TAFA5: variants seen among roughly 807,000 people sequenced by gnomAD.
The protein encoded by TAFA5 is TAFA chemokine like family member 5.
TAFA5 carries 6 observed loss-of-function variants against 15.3 expected under a neutral mutation model. The ratio of observed to expected loss-of-function variants is 0.39; its 90% CI spans 0.21 to 0.77. The LOEUF is 0.77. Ranked by LOEUF, TAFA5 falls within the 30% of genes least tolerant of loss-of-function variation. TAFA5 has a pLI of 0.41. For missense variants in TAFA5, 161 were observed against 193.1 expected (o/e 0.83, Z 0.98); for synonymous variants, 103 against 80.7 (o/e 1.28, Z -1.48).
chr22:48,551,644 C>T (rs930430532), intron 1 of TAFA5, among the ~76,000 whole-genome samples: 2 of 152,116 alleles, frequency 1.3e-5, no homozygotes, highest in African/African-American at 4.8e-5. Flanking sequence ...TGACGATGTG[C>T]ATGGGGTCCT....
rs1339531749 is a variant in TAFA5 at position 48,544,793 on chromosome 22, T to C, written c.112+55089T>C. 4.2e-6 allele frequency: 2 copies of C among 471,260 alleles called. 1 individual carries two copies. Among genetic ancestry groups the C allele is most frequent in the East Asian group, 1.4e-4 (2 of 14,392 alleles). The allele number at this position is 471,260 out of a possible 1,614,324, so 29.2% of individuals were successfully genotyped here. A position where few individuals can be genotyped will look rare whatever the true frequency, so the allele number is the denominator to read the frequency against. ...TTGAGTTCTGGCTGTTACCACGATC[T>C]AGGCGAGGCCTGCAAACAAGGTGTG... On this transcript the variant is annotated intron_variant, in intron 1 of 3. Coordinates refer to ENST00000402357, the MANE Select transcript of TAFA5 (RefSeq NM_001082967.3).
At chr22:48,572,298 G>A (rs543702943) in intron 1 of TAFA5, among the ~76,000 whole-genome samples, 7 of 152,296 alleles carry the variant, frequency 4.6e-5, no homozygotes, top group African/African-American at 7.2e-5. Flanking sequence ...ACCCTGTGTA[G>A]CCCAACAGGC....
At chr22:48,615,294 T>C (rs1034345537) in intron 1 of TAFA5, among the ~76,000 whole-genome samples, 2 of 152,202 alleles carry the variant, frequency 1.3e-5, no homozygotes, top group South Asian at 4.1e-4. Flanking sequence ...CACTCGTATC[T>C]GCCCATGGTG....
At chr22:48,688,947 G>A (rs894479277) in intron 2 of TAFA5, among the ~76,000 whole-genome samples, 5 of 143,012 alleles carry the variant, frequency 3.5e-5, no homozygotes, top group Admixed American at 7.4e-5. Context: ...AGCCAAAATC[G>A]CACCACTGCA....
chr22:48,579,718 G>A (rs9615932), intron 1 of TAFA5, among the ~76,000 whole-genome samples: 11 of 152,268 alleles, frequency 7.2e-5, no homozygotes, highest in African/African-American at 2.4e-4. Context: ...CAGCACAGAT[G>A]AGCAGGCTTT....
chr22:48,492,120 A>G (rs1449885331), intron 1 of TAFA5, among the ~76,000 whole-genome samples: 1 of 134,534 alleles, frequency 7.4e-6, no homozygotes, highest in African/African-American at 2.6e-5. Flanking sequence ...GTCCTAGAGA[A>G]AAAAAATCCC....
chr22:48,643,984 A>T (rs1359797231), intron 1 of TAFA5, among the ~76,000 whole-genome samples: 1 of 152,208 alleles, frequency 6.6e-6, no homozygotes, highest in African/African-American at 2.4e-5. Context: ...CAACGTAAGA[A>T]CGTGTGCTCG....
intron 1 of TAFA5, among the ~76,000 whole-genome samples, chr22:48,607,669 T>TA (rs1327848404): frequency 2.0e-5 from 3 of 152,060 alleles, no homozygotes; most frequent in African/African-American, 7.2e-5. Flanking sequence ...TCCCAGGTTC[T>TA]GATTAGGGCT....
In TAFA5 at chr22:48,530,818, G is replaced by A. The variant is rs60518846; in HGVS notation, c.112+41114G>A. On this transcript the variant is annotated intron_variant, in intron 1 of 3. Transcript: ENST00000402357. The surrounding 1 kb of genome is among the most constrained non-coding windows in gnomAD (Gnocchi z 6.0). ...GAGTGAGGTTTGGGGCAGGAGAGGC[G>A]ACCCCAGTGCGTGTGGCTATGGGCT... 0.073 allele frequency among the ~76,000 whole-genome samples: 11,040 copies of A among 152,172 alleles called. 641 individuals carry two copies. The highest frequency in any genetic ancestry group is 0.25 in the East Asian group (1,293 of 5,142).
intron 1 of TAFA5, among the ~76,000 whole-genome samples, chr22:48,575,297 C>T (rs924954108): frequency 9.9e-5 from 15 of 151,856 alleles, no homozygotes; most frequent in Middle Eastern, 3.4e-3. Flanking sequence ...CCTGACCCGC[C>T]GGCGCGCCAG....
Position 48,750,221 on chromosome 22 carries a change from G to A in TAFA5, c.*374G>A, listed in dbSNP as rs1470512500. 8.9e-6 allele frequency: 3 copies of A among 338,506 alleles called. No individual in the cohort carries two copies. The highest frequency in any genetic ancestry group is 6.3e-5 in the East Asian group (1 of 15,990). 21.0% of individuals were successfully genotyped at this position (338,506 alleles called of 1,614,324 possible). ...CTGCAGCCCAGCCCGCCTGAGACACGACGCCTGCCCCAGGGGACTGTCAGG... is the reference window on the plus strand; with the variant it reads ...CTGCAGCCCAGCCCGCCTGAGACACAACGCCTGCCCCAGGGGACTGTCAGG... On this transcript the variant is annotated 3_prime_UTR_variant, in exon 4 of 4. Transcript: ENST00000402357.
At chr22:48,721,181 A>G (rs1025718337) in intron 3 of TAFA5, among the ~76,000 whole-genome samples, 9 of 152,222 alleles carry the variant, frequency 5.9e-5, no homozygotes, top group African/African-American at 2.2e-4. Context: ...GGGGAAGGAT[A>G]GAGTCCCGCC....
At chr22:48,646,889 C>A in intron 2 of TAFA5, 143 bp downstream of exon 2, 2 of 1,078,514 alleles carry the variant, frequency 1.9e-6, no homozygotes, top group Non-Finnish European at 2.6e-6. Context: ...GTTGGCACAG[C>A]TGTTCCCATG....
chr22:48,725,724 G>GAAA (rs11379698), intron 3 of TAFA5, among the ~76,000 whole-genome samples: 1 of 114,926 alleles, frequency 8.7e-6, no homozygotes, highest in Non-Finnish European at 1.8e-5. Flanking sequence ...ATAATTCACA[G>GAAA]AAAAAAAAAA....
At chr22:48,531,840 AC>A (rs1425508561) in intron 1 of TAFA5, among the ~76,000 whole-genome samples, 2 of 151,594 alleles carry the variant, frequency 1.3e-5, no homozygotes, top group Non-Finnish European at 2.9e-5. Flanking sequence ...GGTGCCTCCC[AC>A]CCCCCAACTC....
At chr22:48,542,083 G>GTGA (rs1438074232) in intron 1 of TAFA5, among the ~76,000 whole-genome samples, 2 of 149,312 alleles carry the variant, frequency 1.3e-5, no homozygotes, top group African/African-American at 4.9e-5. Context: ...GCGTGTGTGT[G>GTGA]TGTGCATGTG....
intron 1 of TAFA5, among the ~76,000 whole-genome samples, chr22:48,508,333 G>GC (rs1049048439): frequency 9.7e-4 from 147 of 152,254 alleles, no homozygotes; most frequent in Middle Eastern, 3.4e-3. Context: ...CAGGGCTGCC[G>GC]CCCCCCCAGA....
Position 48,559,929 on chromosome 22 carries a change from G to A in TAFA5, c.112+70225G>A, listed in dbSNP as rs546877400. ...TCTTTGCGGGGGCCGTGGTAGAGAC[G>A]TTTCTATCTCAGCCTGGCACGGGAG... On this transcript the variant is annotated intron_variant, in intron 1 of 3. Coordinates refer to ENST00000402357, the MANE Select transcript of TAFA5 (RefSeq NM_001082967.3). Among the ~76,000 whole-genome samples, 6 of 152,294 alleles carry A rather than the reference G, an allele frequency of 3.9e-5. 1 individual carries two copies. In the South Asian group the frequency reaches 6.2e-4, roughly 16 times the overall value.
chr22:48,595,509 G>A (rs1186321897), intron 1 of TAFA5, among the ~76,000 whole-genome samples: 1 of 152,248 alleles, frequency 6.6e-6, no homozygotes, highest in African/African-American at 2.4e-5. Context: ...CTGATCAGAA[G>A]AGCCCAGGTC....
Sources: allele counts gnomAD v4.1 joint callset (sites outside exome capture counted in the v4.1 genomes callset), GRCh38; gene constraint gnomAD v4.1.1; non-coding constraint Gnocchi (gnomAD v3.1); transcripts MANE v1.5; gene names NCBI Gene and HGNC (gene_info 2026-07-23, HGNC 2026-07-21).